RBFOX1: variants seen among roughly 807,000 people sequenced by gnomAD.
The protein encoded by RBFOX1 is RNA binding fox-1 homolog 1.
Under a neutral mutation model 57.7 loss-of-function variants are expected in RBFOX1, and 8 were observed. The observed-to-expected ratio is 0.14, with a 90% CI of 0.08 to 0.25. The LOEUF is 0.25. Among genes scored for constraint, RBFOX1 ranks in the 10% least tolerant of loss-of-function variants. The pLI is 1.00. For synonymous variants in RBFOX1, 326 were observed against 222.4 expected, an observed-to-expected ratio of 1.47 and a Z score of -4.15; for missense variants, 611 against 548.5, an observed-to-expected ratio of 1.11 and a Z score of -1.14.
chr16:6,728,558 C>G (rs2067783945), intron 3 of RBFOX1, among the ~76,000 whole-genome samples: 1 of 152,092 alleles, frequency 6.6e-6, no homozygotes, highest in Admixed American at 6.5e-5. Context: ...CTCATTATCC[C>G]CCACAAAAAG....
chr16:6,843,396 A>G (rs2093594471), intron 3 of RBFOX1, among the ~76,000 whole-genome samples: 1 of 152,122 alleles, frequency 6.6e-6, no homozygotes, highest in Non-Finnish European at 1.5e-5. Context: ...ATTTTCAGTT[A>G]ATAAAGCTTT....
chr16:6,424,252 C>A (rs1000665183), intron 2 of RBFOX1, among the ~76,000 whole-genome samples: 1 of 152,092 alleles, frequency 6.6e-6, no homozygotes, highest in Non-Finnish European at 1.5e-5. Context: ...CGAAACAAAA[C>A]AAATGAACAA....
At chr16:7,005,728 G>T (rs765798809) in intron 3 of RBFOX1, among the ~76,000 whole-genome samples, 6 of 152,166 alleles carry the variant, frequency 3.9e-5, no homozygotes, top group Non-Finnish European at 5.9e-5. Flanking sequence ...AGACAAGACC[G>T]CTAGGTGATC....
At chr16:5,675,959 T>C (rs1438711502) in intron 3 of RBFOX1, among the ~76,000 whole-genome samples, 1 of 152,150 alleles carries the variant, frequency 6.6e-6, no homozygotes, top group Non-Finnish European at 1.5e-5. Context: ...CTTTTGTCTA[T>C]AATTAGGTTA....
intron 4 of RBFOX1, among the ~76,000 whole-genome samples, chr16:7,106,472 C>G (rs2063604136): frequency 6.6e-6 from 1 of 152,126 alleles, no homozygotes; most frequent in Admixed American, 6.6e-5. Flanking sequence ...AAGTGATGAA[C>G]TTAAGTCTTT....
intron 2 of RBFOX1, among the ~76,000 whole-genome samples, chr16:6,421,756 C>T (rs770054722): frequency 3.9e-5 from 6 of 151,984 alleles, no homozygotes; most frequent in South Asian, 2.1e-4. Context: ...CTTTTCAATA[C>T]GCAGGTTTAT....
At chr16:6,809,387 G>C (rs2087832093) in intron 3 of RBFOX1, among the ~76,000 whole-genome samples, 1 of 152,224 alleles carries the variant, frequency 6.6e-6, no homozygotes, top group Non-Finnish European at 1.5e-5. Flanking sequence ...CTTTCTAAAG[G>C]TGCATTTTTA....
At chr16:6,122,756 C>G (rs2096560591) in intron 1 of RBFOX1, among the ~76,000 whole-genome samples, 1 of 151,532 alleles carries the variant, frequency 6.6e-6, no homozygotes, top group African/African-American at 2.4e-5. Flanking sequence ...CTTTGTCATC[C>G]ATTCTGCTGG....
chr16:5,456,138 G>T (rs2151582199), intron 1 of RBFOX1, among the ~76,000 whole-genome samples: 1 of 151,942 alleles, frequency 6.6e-6, no homozygotes, highest in Non-Finnish European at 1.5e-5. Context: ...CTTAACATGA[G>T]GTTATGCTAT....
intron 1 of RBFOX1, among the ~76,000 whole-genome samples, chr16:6,104,176 A>G (rs943473370): frequency 2.6e-5 from 4 of 152,088 alleles, no homozygotes; most frequent in African/African-American, 9.7e-5. Flanking sequence ...TTTTTAATTG[A>G]CAGACAATAA....
chr16:6,634,042 G>A (rs146227489), intron 2 of RBFOX1, among the ~76,000 whole-genome samples: 43 of 151,902 alleles, frequency 2.8e-4, no homozygotes, highest in Non-Finnish European at 4.6e-4. Context: ...TGTGTAAACC[G>A]ATGCATTTCT....
chr16:6,958,182 C>T (rs1332847675), intron 3 of RBFOX1, among the ~76,000 whole-genome samples: 1 of 152,158 alleles, frequency 6.6e-6, no homozygotes, highest in Non-Finnish European at 1.5e-5. Context: ...GGGAGGGCTG[C>T]AAAAGTTGAG....
intron 12 of RBFOX1, among the ~76,000 whole-genome samples, chr16:7,664,588 G>A (rs533231840): frequency 6.6e-6 from 1 of 152,092 alleles, no homozygotes; most frequent in Admixed American, 6.5e-5. Context: ...ACTCTGACCT[G>A]TTAAGATGCT....
intron 4 of RBFOX1, among the ~76,000 whole-genome samples, chr16:7,056,378 G>C (rs901670652): frequency 3.9e-5 from 6 of 152,244 alleles, no homozygotes; most frequent in African/African-American, 1.4e-4. Context: ...TTATTGGCTG[G>C]ATTCTTCTGG....
intron 1 of RBFOX1, among the ~76,000 whole-genome samples, chr16:5,253,762 C>G (rs1258545916): frequency 6.6e-6 from 1 of 152,202 alleles, no homozygotes; most frequent in Non-Finnish European, 1.5e-5. Context: ...TCTCTCTGGC[C>G]TCTTTCAGGC....
intron 10 of RBFOX1, among the ~76,000 whole-genome samples, chr16:7,623,474 A>G (rs550793439): frequency 2.6e-5 from 4 of 152,278 alleles, no homozygotes; most frequent in African/African-American, 9.6e-5. Flanking sequence ...GGAACACACA[A>G]CCAAGATCCC....
chr16:6,724,015 T>C (rs986052733), intron 3 of RBFOX1: 1 of 152,130 alleles, frequency 6.6e-6, no homozygotes, highest in African/African-American at 2.4e-5. Context: ...GATATTTGCC[T>C]CTACTATGGT....
At chr16:7,374,444 T>C (rs2097646442) in intron 4 of RBFOX1, among the ~76,000 whole-genome samples, 1 of 152,208 alleles carries the variant, frequency 6.6e-6, no homozygotes, top group African/African-American at 2.4e-5. Flanking sequence ...AATAATTCAT[T>C]AGGGCTTGAG....
intron 3 of RBFOX1, among the ~76,000 whole-genome samples, chr16:5,758,374 A>C (rs2053473346): frequency 6.6e-6 from 1 of 152,146 alleles, no homozygotes; most frequent in African/African-American, 2.4e-5. Flanking sequence ...TGCTCTTGTA[A>C]CTGCGAGCTT....
Sources: gnomAD v4.1 joint callset for allele counts (sites outside exome capture counted in the v4.1 genomes callset) on GRCh38, gnomAD v4.1.1 for gene constraint, MANE v1.5 for transcripts, NCBI Gene and HGNC (gene_info 2026-07-23, HGNC 2026-07-21) for gene names.